The following RPA3 variants were observed in gnomAD, a reference collection of about 807,000 sequenced individuals.
RPA3 encodes replication protein A3, also known as replication protein A 14 kDa subunit.
In RPA3, 24 loss-of-function variants were observed where a neutral mutation model predicts 13.7. The observed-to-expected ratio is 1.75, with a 90% CI of 1.27 to 2.46. RPA3 has a LOEUF of 2.46. RPA3 is among the 30% of genes most tolerant of loss of function. RPA3 has a pLI of 0.00. For synonymous variants in RPA3, 59 were observed against 51.2 expected (o/e 1.15, Z -0.65); for missense variants, 183 against 151.0 (o/e 1.21, Z -1.11).
At chr7:7,711,711 A>G (rs901206908) in intron 2 of RPA3, among the ~76,000 whole-genome samples, 15 of 152,126 alleles carry the variant, frequency 9.9e-5, no homozygotes, top group African/African-American at 3.1e-4. Context: ...TAAAAAGTTG[A>G]TTCTAAGGGG....
chr7:7,659,009 C>T (rs1255395936), intron 4 of RPA3, among the ~76,000 whole-genome samples: 17 of 152,206 alleles, frequency 1.1e-4, no homozygotes, highest in East Asian at 5.8e-4. Context: ...TTCAGGGATT[C>T]GACTTCTTCC....
intron 4 of RPA3, among the ~76,000 whole-genome samples, chr7:7,676,568 T>C (rs1779745658): frequency 6.6e-6 from 1 of 152,224 alleles, no homozygotes; most frequent in Non-Finnish European, 1.5e-5. Flanking sequence ...TTGTATTCTC[T>C]ACAATTGAAA....
At chr7:7,685,170 T>C (rs1780012135) in intron 4 of RPA3, among the ~76,000 whole-genome samples, 1 of 152,198 alleles carries the variant, frequency 6.6e-6, no homozygotes, top group African/African-American at 2.4e-5. Flanking sequence ...TTGGAAGACC[T>C]GAATGTCTTT....
At chr7:7,689,562 A>G (rs944701605) in intron 2 of RPA3, 1 of 152,174 alleles carries the variant, frequency 6.6e-6, no homozygotes, top group Non-Finnish European at 1.5e-5. Flanking sequence ...AGATGTGCTT[A>G]TAATGCTATC....
intron 4 of RPA3, among the ~76,000 whole-genome samples, chr7:7,669,759 G>A (rs960906501): frequency 2.6e-5 from 4 of 152,176 alleles, no homozygotes; most frequent in Non-Finnish European, 4.4e-5. Context: ...ACACGAGGGT[G>A]ACTGATGCCT....
At chr7:7,645,974 G>GCTGC (rs1785084579) in intron 4 of RPA3, among the ~76,000 whole-genome samples, 1 of 152,144 alleles carries the variant, frequency 6.6e-6, no homozygotes, top group Non-Finnish European at 1.5e-5. Flanking sequence ...CGTTTGCTCG[G>GCTGC]CTGCCGTGTA....
At chr7:7,657,325 C>T (rs1248865575) in intron 4 of RPA3, among the ~76,000 whole-genome samples, 3 of 152,168 alleles carry the variant, frequency 2.0e-5, no homozygotes, top group Non-Finnish European at 4.4e-5. Flanking sequence ...AATTAGATCC[C>T]ATTTGTCAAT....
intron 5 of RPA3, among the ~76,000 whole-genome samples, chr7:7,639,644 G>C (rs1193853010): frequency 6.6e-6 from 1 of 152,150 alleles, no homozygotes; most frequent in Non-Finnish European, 1.5e-5. Context: ...GAGCATTTTA[G>C]TCAACCACCT....
chr7:7,673,169 G>T, intron 4 of RPA3: 1 of 682,514 alleles, frequency 1.5e-6, no homozygotes, highest in Admixed American at 2.3e-5. Flanking sequence ...GACATCTAGA[G>T]AAGGCTCATG....
intron 2 of RPA3, among the ~76,000 whole-genome samples, chr7:7,706,161 T>G (rs1418284970): frequency 1.3e-5 from 2 of 152,078 alleles, no homozygotes; most frequent in African/African-American, 4.8e-5. Context: ...GTTGACTGAT[T>G]TGGGGAAGAG....
At chr7:7,663,010 A>G (rs1482026776) in intron 4 of RPA3, among the ~76,000 whole-genome samples, 1 of 84,000 alleles carries the variant, frequency 1.2e-5, no homozygotes, top group Non-Finnish European at 2.7e-5. Context: ...GTGCTTTGAA[A>G]AAGCCTTTTT....
intron 4 of RPA3, among the ~76,000 whole-genome samples, chr7:7,681,543 T>A (rs999114491): frequency 6.6e-6 from 1 of 152,162 alleles, no homozygotes; most frequent in Non-Finnish European, 1.5e-5. Flanking sequence ...TAGAAAAACA[T>A]CCTTTCCCTT....
chr7:7,648,777 C>A (rs1413000515), intron 4 of RPA3, among the ~76,000 whole-genome samples: 1 of 151,846 alleles, frequency 6.6e-6, no homozygotes, highest in Non-Finnish European at 1.5e-5. Flanking sequence ...GGCTTGAGTT[C>A]AGGAGGTGGA....
In RPA3 at chr7:7,675,229, G is replaced by C. The variant is rs535766850; in HGVS notation, c.-758+10601C>G. Among the ~76,000 whole-genome samples, 10 of 152,286 alleles carry C rather than the reference G, an allele frequency of 6.6e-5. No homozygotes were observed. The East Asian group carries it at 1.4e-3, about 21-fold the overall frequency. On this transcript the variant is annotated intron_variant, in intron 4 of 7. Coordinates refer to ENST00000223129, the MANE Select transcript of RPA3 (RefSeq NM_002947.5). Reference sequence around the variant, plus strand: ...CTTTTTGTTATCAAATAGCCATTTAGAGGCTGTAAGTTGGGTGTACTGGCA... The same window carrying C: ...CTTTTTGTTATCAAATAGCCATTTACAGGCTGTAAGTTGGGTGTACTGGCA...
intron 2 of RPA3, among the ~76,000 whole-genome samples, chr7:7,712,822 G>C (rs1352131632): frequency 1.3e-5 from 2 of 152,032 alleles, no homozygotes; most frequent in African/African-American, 2.4e-5. Flanking sequence ...TTTTTGGGTT[G>C]CTCCTGGTTG....
intron 4 of RPA3, among the ~76,000 whole-genome samples, chr7:7,653,330 G>T (rs1197774544): frequency 6.6e-6 from 1 of 152,144 alleles, no homozygotes; most frequent in Non-Finnish European, 1.5e-5. Context: ...GACACTAAAG[G>T]CTGTAAATTG....
At chr7:7,694,049 A>G (rs1156896078) in intron 2 of RPA3, among the ~76,000 whole-genome samples, 2 of 152,186 alleles carry the variant, frequency 1.3e-5, no homozygotes, top group African/African-American at 2.4e-5. Flanking sequence ...GTCATTAGAC[A>G]CTTGAACAAG....
At chr7:7,642,813 A>G (rs1335309954) in intron 4 of RPA3, among the ~76,000 whole-genome samples, 1 of 152,188 alleles carries the variant, frequency 6.6e-6, no homozygotes, top group Non-Finnish European at 1.5e-5. Flanking sequence ...CTACAGCCAT[A>G]AGTAAACACT....
At chr7:7,644,277 T>A (rs997360812) in intron 4 of RPA3, among the ~76,000 whole-genome samples, 1 of 152,114 alleles carries the variant, frequency 6.6e-6, no homozygotes, top group Admixed American at 6.5e-5. Context: ...TAAGAGCTTT[T>A]TATTAGTGAG....
Sources: allele counts gnomAD v4.1 joint callset (sites outside exome capture counted in the v4.1 genomes callset), GRCh38; gene constraint gnomAD v4.1.1; transcripts MANE v1.5; gene names NCBI Gene and HGNC (gene_info 2026-07-23, HGNC 2026-07-21).